DGKI: variants seen among roughly 807,000 people sequenced by gnomAD.
DGKI encodes the protein DAG kinase iota.
In DGKI, 55 loss-of-function variants were observed where a neutral mutation model predicts 147.5. That is an observed-to-expected ratio of 0.37 (90% CI 0.30 to 0.47). The LOEUF is 0.47. Among genes scored for constraint, DGKI ranks in the 20% least tolerant of loss-of-function variants. The pLI, the probability that DGKI is intolerant of heterozygous loss-of-function variation, is 1.00. For synonymous variants in DGKI, 469 were observed against 477.1 expected (o/e 0.98, Z 0.22); for missense variants, 1,007 against 1,323.8 (o/e 0.76, Z 3.71).
intron 17 of DGKI, among the ~76,000 whole-genome samples, chr7:137,575,252 T>C (rs928450799): frequency 2.6e-5 from 4 of 152,234 alleles, no homozygotes; most frequent in African/African-American, 9.6e-5. Context: ...ATATAATTTA[T>C]ATAAACATTC....
intron 27 of DGKI, 152 bp downstream of exon 27, chr7:137,463,337 G>A: frequency 9.0e-7 from 1 of 1,116,272 alleles, no homozygotes; most frequent in South Asian, 1.7e-5. Context: ...TATGAGCAAG[G>A]TGCATGGAAT....
At chr7:137,409,689 G>T (rs1812090496) in intron 29 of DGKI, among the ~76,000 whole-genome samples, 1 of 152,204 alleles carries the variant, frequency 6.6e-6, no homozygotes, top group Non-Finnish European at 1.5e-5. Context: ...GATCGACAAA[G>T]GATAGCAGCA....
chr7:137,697,145 A>G lies in DGKI; in HGVS notation c.402-7143T>C, dbSNP rs550714967. ...ACATTTTGGTTGTTTAAACCACTCA[A>G]TGTGTGGTACTTTGTTATGGCAACC... is the stretch of plus-strand genomic sequence containing the variant. On this transcript the variant is annotated intron_variant, in intron 1 of 32. Coordinates refer to ENST00000614521, the MANE Select transcript of DGKI (RefSeq NM_001321708.2). Among the ~76,000 whole-genome samples the G allele has an allele frequency of 2.6e-5, 4 of 152,290 alleles. No individual in the cohort carries two copies. In the South Asian group the frequency reaches 6.2e-4, roughly 24 times the overall value.
chr7:137,677,538 T>C (rs994101221), intron 3 of DGKI, among the ~76,000 whole-genome samples: 2 of 152,182 alleles, frequency 1.3e-5, no homozygotes, highest in Non-Finnish European at 2.9e-5. Context: ...AAAAAAGGTC[T>C]TGGTTCTGGG....
At chr7:137,692,686 G>T (rs188903400) in intron 1 of DGKI, among the ~76,000 whole-genome samples, 8 of 152,258 alleles carry the variant, frequency 5.3e-5, no homozygotes, top group Admixed American at 5.2e-4. Context: ...AGATAATGTG[G>T]CTATATGATA....
At chr7:137,469,077 C>T (rs772676049) in intron 24 of DGKI, among the ~76,000 whole-genome samples, 9 of 152,090 alleles carry the variant, frequency 5.9e-5, no homozygotes, top group Non-Finnish European at 1.0e-4. Flanking sequence ...ATATATCATG[C>T]GGATCTGAGC....
intron 24 of DGKI, among the ~76,000 whole-genome samples, chr7:137,469,078 G>A (rs947938983): frequency 1.3e-5 from 2 of 152,104 alleles, no homozygotes; most frequent in South Asian, 2.1e-4. Flanking sequence ...TATATCATGC[G>A]GATCTGAGCA....
chr7:137,579,585 G>A (rs1017367303), intron 15 of DGKI, among the ~76,000 whole-genome samples: 6 of 151,916 alleles, frequency 3.9e-5, no homozygotes, highest in African/African-American at 1.5e-4. Flanking sequence ...GCAAAATCTG[G>A]TTCCAATATC....
Position 137,386,323 on chromosome 7 carries a change from T to C in DGKI, c.*4897A>G, listed in dbSNP as rs1378302047. 6.6e-6 allele frequency: 1 copy of C among 152,126 alleles called. No individual in the cohort carries two copies. Among genetic ancestry groups the C allele is most frequent in the African/African-American group, 2.4e-5 (1 of 41,422 alleles). The allele number at this position is 152,126 out of a possible 1,614,324, so 9.4% of individuals were successfully genotyped here. A position where few individuals can be genotyped will look rare whatever the true frequency, so the allele number is the denominator to read the frequency against. The stretch of plus-strand genomic sequence containing the variant: ...ATGGCCCTCAGCAGTGTAAAATCTA[T>C]AACCTAGTCCTCCAGGTGCCGTCAA... On this transcript the variant is annotated 3_prime_UTR_variant, in exon 33 of 33. Transcript: ENST00000614521.
intron 1 of DGKI, among the ~76,000 whole-genome samples, chr7:137,795,202 T>A (rs986050555): frequency 6.6e-6 from 1 of 152,242 alleles, no homozygotes; most frequent in African/African-American, 2.4e-5. Flanking sequence ...AGCTCTGTGA[T>A]ACTTAAACCT....
chr7:137,825,626 A>T (rs986727740), intron 1 of DGKI, among the ~76,000 whole-genome samples: 2 of 151,694 alleles, frequency 1.3e-5, no homozygotes, highest in African/African-American at 2.4e-5. Flanking sequence ...ACACACACAC[A>T]CTCTCACACA....
At chr7:137,815,706 TA>T (rs1473458107) in intron 1 of DGKI, among the ~76,000 whole-genome samples, 1 of 152,208 alleles carries the variant, frequency 6.6e-6, no homozygotes, top group Non-Finnish European at 1.5e-5. Flanking sequence ...AGCTATTATC[TA>T]ACACCTCTCT....
chr7:137,466,986 T>C (rs71541352), intron 24 of DGKI, 44 bp from the exon 25 acceptor site: 87,348 of 1,596,102 alleles, frequency 0.055, 2,989 homozygotes, highest in African/African-American at 0.14. Context: ...TGTTCTGTAA[T>C]CTGGCACCAA....
At chr7:137,734,872 G>C (rs905119360) in intron 1 of DGKI, among the ~76,000 whole-genome samples, 9 of 152,028 alleles carry the variant, frequency 5.9e-5, no homozygotes, top group Admixed American at 3.9e-4. Context: ...TAAAGTGCCT[G>C]GCACAGAGTG....
At chr7:137,610,520 G>A (rs1467340567) in intron 8 of DGKI, among the ~76,000 whole-genome samples, 1 of 152,194 alleles carries the variant, frequency 6.6e-6, no homozygotes, top group African/African-American at 2.4e-5. Context: ...GATTTAATTA[G>A]TGGAGAGTCA....
At chr7:137,462,746 A>G (rs781530784) in intron 27 of DGKI, among the ~76,000 whole-genome samples, 23 of 152,200 alleles carry the variant, frequency 1.5e-4, no homozygotes, top group Non-Finnish European at 3.1e-4. Flanking sequence ...TCATGAACAC[A>G]CTGGATTTGC....
intron 14 of DGKI, among the ~76,000 whole-genome samples, chr7:137,583,948 C>T (rs1819296459): frequency 6.6e-6 from 1 of 152,002 alleles, no homozygotes; most frequent in Non-Finnish European, 1.5e-5. Flanking sequence ...GGTGAAAAAA[C>T]CATAAAGACA....
chr7:137,718,843 T>C (rs1794463186), intron 1 of DGKI, among the ~76,000 whole-genome samples: 1 of 152,164 alleles, frequency 6.6e-6, no homozygotes, highest in African/African-American at 2.4e-5. Context: ...TGCCTGCCAT[T>C]AGCAAAACTC....
chr7:137,645,412 C>T (rs1470273829), intron 6 of DGKI, 60 bp downstream of exon 6: 7 of 1,456,652 alleles, frequency 4.8e-6, no homozygotes, highest in Non-Finnish European at 5.7e-6. Flanking sequence ...TCATCTACCT[C>T]AGTTGCTTGC....
Sources: gnomAD v4.1 joint callset for allele counts (sites outside exome capture counted in the v4.1 genomes callset) on GRCh38, gnomAD v4.1.1 for gene constraint, MANE v1.5 for transcripts, NCBI Gene and HGNC (gene_info 2026-07-23, HGNC 2026-07-21) for gene names.